Variants in SIM2 observed in about 807,000 individuals in gnomAD.
SIM2 encodes single-minded homolog 2.
In SIM2, 28 loss-of-function variants were observed where a neutral mutation model predicts 64.8. That is an observed-to-expected ratio of 0.43 (90% CI 0.32 to 0.59). The LOEUF (loss-of-function observed/expected upper bound fraction) is 0.59. SIM2 is among the 20% of genes least tolerant of loss of function. The probability of loss-of-function intolerance (pLI) is 0.07; values close to 1 mark genes in which losing one functional copy is unlikely to be tolerated. For synonymous variants in SIM2, 408 were observed against 391.1 expected (o/e 1.04, Z -0.51); for missense variants, 847 against 871.4 (o/e 0.97, Z 0.35).
At chr21:36,702,624 A>G (rs1266536587) in intron 1 of SIM2, among the ~76,000 whole-genome samples, 3 of 152,332 alleles carry the variant, frequency 2.0e-5, no homozygotes, top group African/African-American at 7.2e-5. Flanking sequence ...CCCTTCCAGT[A>G]GCTCCAAAGA....
chr21:36,723,976 C>T (rs887069198), intron 5 of SIM2, among the ~76,000 whole-genome samples: 7 of 152,214 alleles, frequency 4.6e-5, no homozygotes, highest in Non-Finnish European at 8.8e-5. Flanking sequence ...AGAGGACAGA[C>T]ATCATAACCC....
intron 3 of SIM2, among the ~76,000 whole-genome samples, chr21:36,718,730 G>A (rs1484545162): frequency 1.3e-5 from 2 of 152,172 alleles, no homozygotes; most frequent in East Asian, 1.9e-4. Context: ...GTCCTTGTCT[G>A]CCACCCTCAG....
intron 1 of SIM2, among the ~76,000 whole-genome samples, chr21:36,704,228 GA>G (rs1404350267): frequency 6.6e-6 from 1 of 152,206 alleles, no homozygotes; most frequent in African/African-American, 2.4e-5. Context: ...GGTTATCTTA[GA>G]AACTGTTTCC....
intron 7 of SIM2, among the ~76,000 whole-genome samples, chr21:36,738,245 G>A (rs186836104): frequency 1.4e-4 from 21 of 152,116 alleles, no homozygotes; most frequent in African/African-American, 4.1e-4. Flanking sequence ...GGTGGCTCAC[G>A]CCTGTAATCC....
intron 3 of SIM2, among the ~76,000 whole-genome samples, chr21:36,714,825 A>G (rs988939510): frequency 6.6e-6 from 1 of 152,240 alleles, no homozygotes; most frequent in Non-Finnish European, 1.5e-5. Context: ...AATATTGGAT[A>G]GGTGACAAAT....
In SIM2 at chr21:36,727,904, G is replaced by A. The variant is rs2088913628; in HGVS notation, c.743+1586G>A. Among the ~76,000 whole-genome samples the A allele has an allele frequency of 2.0e-5, 3 of 152,194 alleles. No individual in the cohort carries two copies. In the South Asian group the frequency reaches 6.2e-4, roughly 32 times the overall value. On this transcript the variant is annotated intron_variant, in intron 6 of 10. Coordinates refer to ENST00000290399, the MANE Select transcript of SIM2 (RefSeq NM_005069.6). ...TTAGGGGCAAGAGATAAAGACAGGA[G>A]TCAGTTTGGCTCCTTGTCGACACCC...
At chr21:36,721,476 T>C (rs2123454302) in intron 4 of SIM2, among the ~76,000 whole-genome samples, 1 of 152,298 alleles carries the variant, frequency 6.6e-6, no homozygotes, top group South Asian at 2.1e-4. Flanking sequence ...TTCATTCTTG[T>C]TACCCAGGCA....
intron 7 of SIM2, among the ~76,000 whole-genome samples, chr21:36,734,177 G>C (rs2089013106): frequency 1.3e-5 from 2 of 152,254 alleles, no homozygotes; most frequent in East Asian, 3.9e-4. Context: ...GTGGGCTGGT[G>C]GCTGTTCTGT....
In SIM2 at chr21:36,741,698, T is replaced by G; in HGVS notation, c.851-19T>G. 3 of 1,611,408 alleles carry G rather than the reference T, an allele frequency of 1.9e-6. No individual in the cohort carries two copies. Among genetic ancestry groups the G allele is most frequent in the Non-Finnish European group, 2.5e-6 (3 of 1,179,756 alleles). Reference sequence around the variant, plus strand: ...GGCCTGCGAAGCGTCTGAGGACTCCTGTCACCTTGTGCTTGCAGTGTTGGT... The same window carrying G: ...GGCCTGCGAAGCGTCTGAGGACTCCGGTCACCTTGTGCTTGCAGTGTTGGT... On this transcript the variant is annotated intron_variant, in intron 7 of 10. Transcript: ENST00000290399.
At chr21:36,709,402 A>T (rs1277344307) in intron 2 of SIM2, 152 bp downstream of exon 2, 23 of 724,774 alleles carry the variant, frequency 3.2e-5, no homozygotes, top group Non-Finnish European at 5.2e-5. Context: ...CTGCGGAGGG[A>T]TGGACGCTTA....
chr21:36,749,913 A>G lies in SIM2; in HGVS notation c.*1821A>G, dbSNP rs1337396431. 6.6e-6 allele frequency: 1 copy of G among 152,242 alleles called. No homozygotes were observed. The highest frequency in any genetic ancestry group is 1.5e-5 in the Non-Finnish European group (1 of 68,044). 9.4% of individuals were successfully genotyped at this position (152,242 alleles called of 1,614,324 possible). On this transcript the variant is annotated 3_prime_UTR_variant, in exon 11 of 11. Transcript: ENST00000290399. Reference sequence around the variant, plus strand: ...AGAAAAAAGACCCTATCATAGATTTACAAGTGACAACGTGGACAGGCGTAA... The same window carrying G: ...AGAAAAAAGACCCTATCATAGATTTGCAAGTGACAACGTGGACAGGCGTAA...
chr21:36,711,809 C>A (rs1382716662), intron 2 of SIM2, among the ~76,000 whole-genome samples: 1 of 152,066 alleles, frequency 6.6e-6, no homozygotes, highest in African/African-American at 2.4e-5. Context: ...ATAATCATTA[C>A]CTTTTTATTT....
At position 36,749,100 on chromosome 21, in the gene SIM2, C is replaced by T. The variant is rs1233276916; in HGVS notation, c.*1008C>T. On this transcript the variant is annotated 3_prime_UTR_variant, in exon 11 of 11. Transcript: ENST00000290399. ...CATTTTCTACACAGCGAGAAAACTT[C>T]GTAAGAACATGTTACGTGTGCAACA... The T allele has an allele frequency of 2.0e-5, 3 of 152,638 alleles. No homozygotes were observed. Among genetic ancestry groups the T allele is most frequent in the Non-Finnish European group, 2.9e-5 (2 of 68,022 alleles). 9.5% of individuals were successfully genotyped at this position (152,638 alleles called of 1,614,324 possible).
chr21:36,736,988 G>A lies in SIM2; in HGVS notation c.851-4729G>A, dbSNP rs555966598. On this transcript the variant is annotated intron_variant, in intron 7 of 10. Transcript: ENST00000290399. Reference sequence around the variant, plus strand: ...GTCACCCAGTCTGGAATACAGTAGCGTGGTCGGAGCTCACTCTAACCTTGA... The same window carrying A: ...GTCACCCAGTCTGGAATACAGTAGCATGGTCGGAGCTCACTCTAACCTTGA... 1.3e-3 allele frequency among the ~76,000 whole-genome samples: 194 copies of A among 151,624 alleles called. 1 individual carries two copies. The highest frequency in any genetic ancestry group is 6.8e-3 in the Middle Eastern group (2 of 294).
chr21:36,718,722 C>T (rs779128098), intron 3 of SIM2, among the ~76,000 whole-genome samples: 13 of 152,164 alleles, frequency 8.5e-5, no homozygotes, highest in Non-Finnish European at 1.5e-4. Context: ...GACTCACTGT[C>T]CTTGTCTGCC....
chr21:36,739,205 T>C (rs1437955805), intron 7 of SIM2, among the ~76,000 whole-genome samples: 2 of 152,260 alleles, frequency 1.3e-5, no homozygotes, highest in African/African-American at 4.8e-5. Context: ...GCCAGTGTTC[T>C]AAATCCTCAA....
At position 36,726,133 on chromosome 21, in the gene SIM2, T is replaced by C. The variant is rs976048974; in HGVS notation, c.558T>C (p.Ser186=). ...TCCACTCCCAGGTCATCCACTGCAG[T>C]GGCTACTTGAAGATCAGGCAGTATA... ...TCSGYKVIHC[S]GYLKIRQYML... is the part of the protein sequence containing the mutation. Residue 186 remains serine, a synonymous_variant, in exon 6 of 11, where the codon AGT becomes AGC. Transcript: ENST00000290399. The surrounding 1 kb of genome is among the most constrained non-coding windows in gnomAD (Gnocchi z 4.5). The C allele has an allele frequency of 6.2e-7, 1 of 1,613,706 alleles. No homozygotes were observed. Among genetic ancestry groups the C allele is most frequent in the African/African-American group, 1.3e-5 (1 of 75,060 alleles).
At chr21:36,723,886 GC>G (rs1295725492) in intron 5 of SIM2, among the ~76,000 whole-genome samples, 2 of 152,122 alleles carry the variant, frequency 1.3e-5, no homozygotes, top group Admixed American at 6.5e-5. Flanking sequence ...TGTGCTGAGT[GC>G]CCCCCGCCAA....
intron 1 of SIM2, among the ~76,000 whole-genome samples, chr21:36,705,518 G>C (rs534997971): frequency 6.6e-6 from 1 of 152,334 alleles, no homozygotes; most frequent in Admixed American, 6.5e-5. Flanking sequence ...ATGGCAGCCC[G>C]GCAAACACTG....
Sources: allele counts gnomAD v4.1 joint callset (sites outside exome capture counted in the v4.1 genomes callset), GRCh38; gene constraint gnomAD v4.1.1; non-coding constraint Gnocchi (gnomAD v3.1); transcripts MANE v1.5; gene names NCBI Gene and HGNC (gene_info 2026-07-23, HGNC 2026-07-21).